Variants in COL5A2 observed in about 807,000 individuals in gnomAD.
COL5A2 encodes collagen type V alpha 2 chain.
In COL5A2, 23 loss-of-function variants were observed where a neutral mutation model predicts 208.2. The ratio of observed to expected loss-of-function variants is 0.11; its 90% CI spans 0.08 to 0.16. COL5A2 has a LOEUF of 0.16. Ranked by LOEUF, COL5A2 falls within the 10% of genes least tolerant of loss-of-function variation. The pLI is 1.00. For synonymous variants in COL5A2, 625 were observed against 628.5 expected (o/e 0.99, Z 0.08); for missense variants, 1,590 against 1,956.4 (o/e 0.81, Z 3.53).
chr2:189,186,699 T>A (rs1258579260), intron 1 of COL5A2, among the ~76,000 whole-genome samples: 3 of 152,158 alleles, frequency 2.0e-5, no homozygotes, highest in Admixed American at 1.3e-4. Flanking sequence ...CACTGCTTTT[T>A]AAAAAAATTA....
the COL5A2 span, among the ~76,000 whole-genome samples, chr2:189,349,204 G>C: frequency 6.6e-6 from 1 of 152,084 alleles, no homozygotes; most frequent in African/African-American, 2.4e-5. Context: ...AAGGATAAAG[G>C]TTCAGACATG....
rs200097779 is a variant in COL5A2, at chr2:189,063,976, T to C, written c.1770+4A>G. ...GGTTGTGGACTTCTGTTTAAATTAC[T>C]TACCAAAGGTCCAAGTTTTCCTTCA... On this transcript the variant is annotated splice_donor_region_variant and intron_variant, in intron 26 of 53. Transcript: ENST00000374866. The C allele has an allele frequency of 5.0e-6, 8 of 1,611,692 alleles. No homozygotes were observed. In the African/African-American group the frequency reaches 9.3e-5, roughly 19 times the overall value.
Position 189,034,009 on chromosome 2 carries a change from T to C in COL5A2, c.*61A>G. The stretch of plus-strand genomic sequence containing the variant: ...CAGGATCAACTTCAAACAGTCAAAG[T>C]TCTTGTGAATGGCGGTGGTCATTGA... On this transcript the variant is annotated 3_prime_UTR_variant, in exon 54 of 54. Coordinates refer to ENST00000374866, the MANE Select transcript of COL5A2 (RefSeq NM_000393.5). 6.2e-7 allele frequency: 1 copy of C among 1,610,452 alleles called. No homozygotes were observed. The highest frequency in any genetic ancestry group is 2.2e-5 in the East Asian group (1 of 44,856).
the COL5A2 span, among the ~76,000 whole-genome samples, chr2:189,240,600 G>C: frequency 6.6e-6 from 1 of 152,192 alleles, no homozygotes; most frequent in Admixed American, 6.5e-5. Flanking sequence ...GATGCTGTCA[G>C]TGTTTTATGT....
chr2:189,256,879 C>T, the COL5A2 span, among the ~76,000 whole-genome samples: 1 of 152,198 alleles, frequency 6.6e-6, no homozygotes, highest in Non-Finnish European at 1.5e-5. Context: ...CTGCCTGCCT[C>T]GGCCTCCCAA....
intron 1 of COL5A2, among the ~76,000 whole-genome samples, chr2:189,116,058 G>C (rs1291252641): frequency 6.6e-6 from 1 of 152,156 alleles, no homozygotes; most frequent in African/African-American, 2.4e-5. Context: ...CAACCCTTCA[G>C]CCTTCCTGAC....
At chr2:189,236,962 T>C in the COL5A2 span, among the ~76,000 whole-genome samples, 2 of 151,836 alleles carry the variant, frequency 1.3e-5, no homozygotes, top group Non-Finnish European at 2.9e-5. Flanking sequence ...AAAGATTTTA[T>C]TCTCCTATTC....
chr2:189,131,428 CT>C (rs1257193322), intron 1 of COL5A2, among the ~76,000 whole-genome samples: 1 of 152,024 alleles, frequency 6.6e-6, no homozygotes, highest in African/African-American at 2.4e-5. Flanking sequence ...ATGAAATTCG[CT>C]GAGAAAATTT....
intron 24 of COL5A2, 106 bp from the exon 25 acceptor site, chr2:189,064,761 A>G: frequency 2.2e-6 from 2 of 902,884 alleles, no homozygotes; most frequent in Non-Finnish European, 3.6e-6. Context: ...TATAACATAC[A>G]AATCAAGGCA....
chr2:189,224,169 T>TAAAA (rs34660235), intron 1 of COL5A2, among the ~76,000 whole-genome samples: 1 of 149,468 alleles, frequency 6.7e-6, no homozygotes. Context: ...GGATAAAATC[T>TAAAA]AAAAAAAAAA....
At chr2:189,330,977 G>C in the COL5A2 span, among the ~76,000 whole-genome samples, 11 of 152,270 alleles carry the variant, frequency 7.2e-5, no homozygotes, top group East Asian at 1.2e-3. Flanking sequence ...CCGACTCTCA[G>C]AGGAGACAGA....
In COL5A2 at chr2:189,033,609, G is replaced by A. The variant is rs964962460; in HGVS notation, c.*461C>T. 1.7e-5 allele frequency: 3 copies of A among 180,950 alleles called. No individual in the cohort carries two copies. Among genetic ancestry groups the A allele is most frequent in the Admixed American group, 1.1e-4 (2 of 18,372 alleles). 11.2% of individuals were successfully genotyped at this position (180,950 alleles called of 1,614,324 possible). A position where few individuals can be genotyped will look rare whatever the true frequency, so the allele number is the denominator to read the frequency against. Reference sequence around the variant, plus strand: ...TTTAATTGACAATCTTGGAATGAGAGGTCACAAAAGGGCACTAATTTCTAT... The same window carrying A: ...TTTAATTGACAATCTTGGAATGAGAAGTCACAAAAGGGCACTAATTTCTAT... On this transcript the variant is annotated 3_prime_UTR_variant, in exon 54 of 54. Coordinates refer to ENST00000374866, the MANE Select transcript of COL5A2 (RefSeq NM_000393.5).
chr2:189,438,486 T>C, the COL5A2 span, among the ~76,000 whole-genome samples: 63 of 152,288 alleles, frequency 4.1e-4, no homozygotes, highest in East Asian at 4.4e-3. Flanking sequence ...AACTGTGAAA[T>C]AGCCATACAA....
the COL5A2 span, among the ~76,000 whole-genome samples, chr2:189,335,192 A>T: frequency 6.6e-6 from 1 of 152,104 alleles, no homozygotes; most frequent in Non-Finnish European, 1.5e-5. Flanking sequence ...AAAACATAAA[A>T]CAGAAGCCAT....
intron 1 of COL5A2, among the ~76,000 whole-genome samples, chr2:189,123,783 T>C (rs1687555524): frequency 6.6e-6 from 1 of 152,178 alleles, no homozygotes; most frequent in African/African-American, 2.4e-5. Flanking sequence ...AAGTGAGTGA[T>C]AAAAATTTTC....
intron 40 of COL5A2, 37 bp downstream of exon 40, chr2:189,052,712 A>T: frequency 6.3e-7 from 1 of 1,589,912 alleles, no homozygotes; most frequent in African/African-American, 1.3e-5. Flanking sequence ...AACTAGAATT[A>T]GCTGTGCATA....
chr2:189,320,858 T>A, the COL5A2 span, among the ~76,000 whole-genome samples: 5 of 151,974 alleles, frequency 3.3e-5, no homozygotes, highest in Non-Finnish European at 2.9e-5. Context: ...CCAAGACACA[T>A]AATTGTCAGA....
At chr2:189,433,523 A>G in the COL5A2 span, among the ~76,000 whole-genome samples, 2 of 152,244 alleles carry the variant, frequency 1.3e-5, no homozygotes, top group African/African-American at 2.4e-5. Context: ...CCACAGAAAT[A>G]CAAAGTACCA....
At chr2:189,411,088 T>C in the COL5A2 span, among the ~76,000 whole-genome samples, 2 of 152,166 alleles carry the variant, frequency 1.3e-5, no homozygotes, top group Non-Finnish European at 2.9e-5. Flanking sequence ...CTAGTGCTCA[T>C]TTCATTCTGC....
Sources: gnomAD v4.1 joint callset for allele counts (sites outside exome capture counted in the v4.1 genomes callset) on GRCh38, gnomAD v4.1.1 for gene constraint, MANE v1.5 for transcripts, NCBI Gene and HGNC (gene_info 2026-07-23, HGNC 2026-07-21) for gene names.